DLGAP2: variants seen among roughly 807,000 people sequenced by gnomAD.
The protein encoded by DLGAP2 is disks large-associated protein 2.
DLGAP2 carries 26 observed loss-of-function variants against 100.3 expected under a neutral mutation model. That is an observed-to-expected ratio of 0.26 (90% CI 0.19 to 0.36). The LOEUF (loss-of-function observed/expected upper bound fraction) is 0.36. DLGAP2 is among the 10% of genes least tolerant of loss of function. DLGAP2 has a pLI of 1.00. For synonymous variants in DLGAP2, 886 were observed against 630.1 expected, an observed-to-expected ratio of 1.41 and a Z score of -6.08; for missense variants, 1,858 against 1,453.2, an observed-to-expected ratio of 1.28 and a Z score of -4.53.
chr8:1,623,896 C>T (rs1001328126), intron 6 of DLGAP2, among the ~76,000 whole-genome samples: 5 of 152,190 alleles, frequency 3.3e-5, no homozygotes, highest in African/African-American at 9.7e-5. Context: ...CTTTCTTCAG[C>T]GGCAACATTT....
intron 3 of DLGAP2, among the ~76,000 whole-genome samples, chr8:1,366,491 G>A (rs1287566668): frequency 6.6e-6 from 1 of 152,204 alleles, no homozygotes; most frequent in Admixed American, 6.5e-5. Flanking sequence ...AGGCCTTCCT[G>A]GAGTTGGTCT....
intron 4 of DLGAP2, among the ~76,000 whole-genome samples, chr8:1,530,868 G>A (rs17064055): frequency 0.016 from 2,431 of 152,296 alleles, 70 homozygotes; most frequent in African/African-American, 0.056. Context: ...AAGACTTGGG[G>A]TCAGAAGAGA....
intron 1 of DLGAP2, among the ~76,000 whole-genome samples, chr8:879,749 CAA>C (rs1292506681): frequency 6.6e-6 from 1 of 152,150 alleles, no homozygotes; most frequent in Non-Finnish European, 1.5e-5. Flanking sequence ...CTCTATACCC[CAA>C]AGAGTTGATT....
At chr8:836,241 C>T (rs1324942064) in intron 1 of DLGAP2, among the ~76,000 whole-genome samples, 3 of 152,218 alleles carry the variant, frequency 2.0e-5, no homozygotes, top group Admixed American at 1.3e-4. Context: ...TTCCAGTGCC[C>T]CGCAAGGCTC....
At chr8:1,030,838 A>G (rs1801950696) in intron 2 of DLGAP2, among the ~76,000 whole-genome samples, 1 of 152,122 alleles carries the variant, frequency 6.6e-6, no homozygotes, top group Admixed American at 6.5e-5. Context: ...CGCGGGCGGG[A>G]CCTTCCCTCT....
chr8:1,577,733 T>A (rs1377138168), intron 6 of DLGAP2, among the ~76,000 whole-genome samples: 2 of 151,228 alleles, frequency 1.3e-5, no homozygotes, highest in East Asian at 3.9e-4. Context: ...GCCAGGGGAG[T>A]GAGAGGAGCC....
intron 4 of DLGAP2, among the ~76,000 whole-genome samples, chr8:1,530,806 G>A (rs1004893792): frequency 6.6e-6 from 1 of 152,208 alleles, no homozygotes; most frequent in Non-Finnish European, 1.5e-5. Context: ...TTGTTGTGGT[G>A]ATTATAACAA....
chr8:1,116,361 T>C (rs1248770115), intron 2 of DLGAP2, among the ~76,000 whole-genome samples: 1 of 152,150 alleles, frequency 6.6e-6, no homozygotes, highest in Non-Finnish European at 1.5e-5. Flanking sequence ...CCGGAAGACT[T>C]GGGGTCAGAA....
At chr8:1,229,242 T>C (rs1046907223) in intron 2 of DLGAP2, among the ~76,000 whole-genome samples, 2 of 152,024 alleles carry the variant, frequency 1.3e-5, no homozygotes, top group African/African-American at 4.8e-5. Flanking sequence ...GATGCTGGTT[T>C]CATAGAAAGA....
intron 6 of DLGAP2, among the ~76,000 whole-genome samples, chr8:1,593,783 C>T (rs931943723): frequency 3.9e-5 from 6 of 152,162 alleles, no homozygotes; most frequent in Non-Finnish European, 7.3e-5. Context: ...AAGACAGTGG[C>T]ATGGCTGGTA....
At chr8:1,572,703 G>T (rs1316324724) in intron 6 of DLGAP2, among the ~76,000 whole-genome samples, 6 of 120,228 alleles carry the variant, frequency 5.0e-5, no homozygotes, top group African/African-American at 2.0e-4. Context: ...GACTGTGGGG[G>T]TGTCTGATGA....
Position 1,511,301 on chromosome 8 carries a change from G to C in DLGAP2, c.172+9870G>C, listed in dbSNP as rs528769940. Among the ~76,000 whole-genome samples the C allele has an allele frequency of 1.2e-4, 18 of 151,380 alleles. No individual in the cohort carries two copies. The East Asian group carries it at 3.6e-3, about 30-fold the overall frequency. On this transcript the variant is annotated intron_variant, in intron 4 of 14. Transcript: ENST00000637795. ...CAGTAGATGACCATCTACCATGGAC[G>C]TAAGGGCTGTCTAGTGTAGGACAAT...
intron 2 of DLGAP2, among the ~76,000 whole-genome samples, chr8:1,065,673 A>T (rs1216942975): frequency 6.6e-6 from 1 of 152,116 alleles, no homozygotes; most frequent in Admixed American, 6.5e-5. Context: ...CTTCCTTCCA[A>T]TTCGATACTC....
chr8:897,555 G>T (rs953013650), intron 1 of DLGAP2, among the ~76,000 whole-genome samples: 1 of 152,160 alleles, frequency 6.6e-6, no homozygotes, highest in Non-Finnish European at 1.5e-5. Flanking sequence ...ATGGGCGCCC[G>T]GTAAGAAGCC....
chr8:1,074,275 C>T (rs1309752090), intron 2 of DLGAP2, among the ~76,000 whole-genome samples: 2 of 151,398 alleles, frequency 1.3e-5, no homozygotes, highest in South Asian at 4.2e-4. Flanking sequence ...TGAGGCTGAA[C>T]TCACCCAGGT....
chr8:1,206,657 C>G (rs559214787), intron 2 of DLGAP2, among the ~76,000 whole-genome samples: 1 of 151,764 alleles, frequency 6.6e-6, no homozygotes, highest in East Asian at 1.9e-4. Flanking sequence ...CATCCGTGGA[C>G]TGGGGTAGAC....
At chr8:1,202,766 A>T (rs76818179) in intron 2 of DLGAP2, among the ~76,000 whole-genome samples, 1 of 152,124 alleles carries the variant, frequency 6.6e-6, no homozygotes, top group South Asian at 2.1e-4. Flanking sequence ...GGCCTCAGGC[A>T]TTCACCTTGA....
At chr8:1,437,743 G>A in intron 3 of DLGAP2, among the ~76,000 whole-genome samples, 1 of 147,772 alleles carries the variant, frequency 6.8e-6, no homozygotes, top group Non-Finnish European at 1.5e-5. Context: ...GAAGGCAGGT[G>A]GATCATTTGA....
chr8:1,545,409 T>A (rs190862788), intron 4 of DLGAP2, among the ~76,000 whole-genome samples: 3 of 152,330 alleles, frequency 2.0e-5, no homozygotes, highest in African/African-American at 7.2e-5. Context: ...TACATTCTAT[T>A]CTGAATTTGG....
Sources: allele counts gnomAD v4.1 joint callset (sites outside exome capture counted in the v4.1 genomes callset), GRCh38; gene constraint gnomAD v4.1.1; transcripts MANE v1.5; gene names NCBI Gene and HGNC (gene_info 2026-07-23, HGNC 2026-07-21).